Variants in FIGN observed in about 807,000 individuals in gnomAD.
FIGN encodes fidgetin.
A neutral mutation model predicts 51.3 loss-of-function variants in FIGN; 11 were observed. The ratio of observed to expected loss-of-function variants is 0.21; its 90% CI spans 0.13 to 0.35. The LOEUF is 0.35. FIGN is among the 10% of genes least tolerant of loss of function. The probability of loss-of-function intolerance (pLI) is 1.00; values close to 1 mark genes in which losing one functional copy is unlikely to be tolerated. For synonymous variants in FIGN, 407 were observed against 363.2 expected, an observed-to-expected ratio of 1.12 and a Z score of -1.37; for missense variants, 857 against 943.6, an observed-to-expected ratio of 0.91 and a Z score of 1.20.
At position 163,709,038 on chromosome 2, in the gene FIGN, C is replaced by T. The variant is rs114050950; in HGVS notation, c.25+25865G>A. ...GTACCGTAAATACGGCAATGGGTGT[C>T]CTTATGCATACCAGAGTGTAAGTCT... On this transcript the variant is annotated intron_variant, in intron 2 of 2. Coordinates refer to ENST00000333129, the MANE Select transcript of FIGN (RefSeq NM_018086.4). 2.1e-3 allele frequency among the ~76,000 whole-genome samples: 313 copies of T among 152,250 alleles called. 2 individuals are homozygous for T. Among genetic ancestry groups the T allele is most frequent in the African/African-American group, 7.0e-3 (290 of 41,536 alleles).
At chr2:163,696,192 A>C (rs1282462921) in intron 2 of FIGN, among the ~76,000 whole-genome samples, 1 of 152,144 alleles carries the variant, frequency 6.6e-6, no homozygotes, top group African/African-American at 2.4e-5. Flanking sequence ...AGTGATCTAA[A>C]AAGAAGAAGA....
intron 2 of FIGN, among the ~76,000 whole-genome samples, chr2:163,711,842 GAA>G (rs550901381): frequency 5.6e-4 from 85 of 152,232 alleles, no homozygotes; most frequent in African/African-American, 2.0e-3. Flanking sequence ...TGCATATTTA[GAA>G]AAAGATATTA....
intron 2 of FIGN, among the ~76,000 whole-genome samples, chr2:163,718,243 G>A (rs1483036286): frequency 2.6e-5 from 4 of 152,136 alleles, no homozygotes; most frequent in Non-Finnish European, 5.9e-5. Context: ...CCATGGAGGG[G>A]AAAAACAGCA....
At position 163,605,269 on chromosome 2, in the gene FIGN, G is replaced by A. The variant is rs1286586426; in HGVS notation, c.*4283C>T. On this transcript the variant is annotated 3_prime_UTR_variant, in exon 3 of 3. Coordinates refer to ENST00000333129, the MANE Select transcript of FIGN (RefSeq NM_018086.4). ...ATCCCTGGTTCACACAAATGCATCT[G>A]GCAGGTTCAAAATCGAATGTCAACC... 1.3e-5 allele frequency: 2 copies of A among 151,992 alleles called. No homozygotes were observed. The highest frequency in any genetic ancestry group is 2.9e-5 in the Non-Finnish European group (2 of 68,000). The allele number at this position is 151,992 out of a possible 1,614,324, so 9.4% of individuals were successfully genotyped here. A position where few individuals can be genotyped will look rare whatever the true frequency, so the allele number is the denominator to read the frequency against.
intron 2 of FIGN, among the ~76,000 whole-genome samples, chr2:163,681,465 CTA>C (rs1684060897): frequency 6.6e-6 from 1 of 152,068 alleles, no homozygotes; most frequent in Non-Finnish European, 1.5e-5. Flanking sequence ...AATCCCAGCA[CTA>C]TGAGAGGCTG....
rs192929235 is a variant in FIGN, at chr2:163,674,989, C to A, written c.25+59914G>T. ...AATTTAAAGTAACATCTAAATATGA[C>A]CCTTTAGGAATACTTCTAAAACCTG... On this transcript the variant is annotated intron_variant, in intron 2 of 2. Transcript: ENST00000333129. 6.6e-5 allele frequency among the ~76,000 whole-genome samples: 10 copies of A among 152,220 alleles called. No individual in the cohort carries two copies. The East Asian group carries it at 1.9e-3, about 29-fold the overall frequency.
intron 2 of FIGN, among the ~76,000 whole-genome samples, chr2:163,624,065 TTGATA>T (rs11277539): frequency 0.51 from 76,553 of 151,010 alleles, 21,307 homozygotes; most frequent in Middle Eastern, 0.76. Flanking sequence ...CAGGCATGAT[TTGATA>T]TGAGGTTACC....
At chr2:163,666,771 A>G (rs1186186923) in intron 2 of FIGN, among the ~76,000 whole-genome samples, 1 of 152,094 alleles carries the variant, frequency 6.6e-6, no homozygotes, top group Non-Finnish European at 1.5e-5. Context: ...CAAAGCCTCA[A>G]AGAAGTACCA....
chr2:163,714,489 C>T (rs114388146), intron 2 of FIGN, among the ~76,000 whole-genome samples: 1 of 152,316 alleles, frequency 6.6e-6, no homozygotes, highest in African/African-American at 2.4e-5. Flanking sequence ...ATGAATTCCA[C>T]TATTACCCTA....
intron 2 of FIGN, among the ~76,000 whole-genome samples, chr2:163,635,895 G>C (rs1177783231): frequency 3.9e-5 from 6 of 152,002 alleles, no homozygotes; most frequent in African/African-American, 1.4e-4. Flanking sequence ...AGAGGGAACT[G>C]ATCTTTAACA....
intron 2 of FIGN, among the ~76,000 whole-genome samples, chr2:163,669,141 G>A (rs1683835601): frequency 6.6e-6 from 1 of 150,968 alleles, no homozygotes; most frequent in Non-Finnish European, 1.5e-5. Context: ...AAAAAAAGTT[G>A]GCCCCCCAAA....
intron 2 of FIGN, among the ~76,000 whole-genome samples, chr2:163,712,580 C>T (rs533415762): frequency 2.3e-4 from 35 of 152,172 alleles, no homozygotes; most frequent in African/African-American, 8.4e-4. Flanking sequence ...TACACGAACA[C>T]CTAAACTTTT....
chr2:163,617,579 C>T (rs1478406553), intron 2 of FIGN, among the ~76,000 whole-genome samples: 1 of 152,006 alleles, frequency 6.6e-6, no homozygotes, highest in Non-Finnish European at 1.5e-5. Flanking sequence ...TACTATTTTG[C>T]ATAATATAGT....
intron 2 of FIGN, among the ~76,000 whole-genome samples, chr2:163,659,583 T>G (rs1683618702): frequency 6.6e-6 from 1 of 152,102 alleles, no homozygotes; most frequent in South Asian, 2.1e-4. Context: ...TTTTGGGGGG[T>G]TAGTCCCAGA....
At chr2:163,628,798 G>A (rs1683097225) in intron 2 of FIGN, among the ~76,000 whole-genome samples, 1 of 152,150 alleles carries the variant, frequency 6.6e-6, no homozygotes, top group African/African-American at 2.4e-5. Flanking sequence ...CTAACAAAGA[G>A]ATTGTGGTGG....
At chr2:163,690,865 C>T (rs1684229729) in intron 2 of FIGN, among the ~76,000 whole-genome samples, 1 of 151,906 alleles carries the variant, frequency 6.6e-6, no homozygotes, top group Non-Finnish European at 1.5e-5. Context: ...GGGTGGGGGG[C>T]ATTCTTACCT....
rs370610559 is a variant in FIGN at position 163,667,726 on chromosome 2, A to G, written c.26-55920T>C. The stretch of plus-strand genomic sequence containing the variant: ...CTCTACATTCCCCTTGGGATTAATC[A>G]TATCCTGTTCTAGGCAGCTTCTGTA... On this transcript the variant is annotated intron_variant, in intron 2 of 2. Transcript: ENST00000333129. 3.6e-4 allele frequency among the ~76,000 whole-genome samples: 55 copies of G among 152,224 alleles called. 1 individual carries two copies. In the East Asian group the frequency reaches 9.7e-3, roughly 27 times the overall value.
intron 2 of FIGN, among the ~76,000 whole-genome samples, chr2:163,706,715 C>T (rs766633984): frequency 4.6e-5 from 7 of 152,172 alleles, no homozygotes. Context: ...GAGCTGCATG[C>T]ACCCTAAAAC....
chr2:163,647,312 C>T (rs763017062), intron 2 of FIGN, among the ~76,000 whole-genome samples: 15 of 152,180 alleles, frequency 9.9e-5, no homozygotes, highest in Non-Finnish European at 1.8e-4. Context: ...TTTCAGGTAA[C>T]AGTCCCTTGA....
Sources: gnomAD v4.1 joint callset for allele counts (sites outside exome capture counted in the v4.1 genomes callset) on GRCh38, gnomAD v4.1.1 for gene constraint, MANE v1.5 for transcripts, NCBI Gene and HGNC (gene_info 2026-07-23, HGNC 2026-07-21) for gene names.